MINDY4: variants seen among roughly 807,000 people sequenced by gnomAD.
The protein encoded by MINDY4 is probable ubiquitin carboxyl-terminal hydrolase MINDY-4.
Under a neutral mutation model 87.0 loss-of-function variants are expected in MINDY4, and 68 were observed. The ratio of observed to expected loss-of-function variants is 0.78; its 90% CI spans 0.64 to 0.96. MINDY4 has a LOEUF of 0.96. Among genes scored for constraint, MINDY4 ranks in the 40% least tolerant of loss-of-function variants. The pLI is 0.00. For missense variants in MINDY4, 919 were observed against 928.2 expected (o/e 0.99, Z 0.13); for synonymous variants, 379 against 363.2 (o/e 1.04, Z -0.50).
At chr7:30,775,333 A>C (rs1237601858) in intron 1 of MINDY4, among the ~76,000 whole-genome samples, 1 of 152,198 alleles carries the variant, frequency 6.6e-6, no homozygotes, top group Non-Finnish European at 1.5e-5. Flanking sequence ...AATGGCTCAC[A>C]GAACTCGGAG....
chr7:30,777,434 C>T (rs1430420854), intron 1 of MINDY4, among the ~76,000 whole-genome samples: 1 of 152,160 alleles, frequency 6.6e-6, no homozygotes, highest in Non-Finnish European at 1.5e-5. Context: ...CCTAATCCAC[C>T]TTTTTTCTGA....
At chr7:30,834,116 C>CAGGTGAGAAGAAT (rs1788789294) in intron 6 of MINDY4, among the ~76,000 whole-genome samples, 1 of 152,224 alleles carries the variant, frequency 6.6e-6, no homozygotes, top group Non-Finnish European at 1.5e-5. Flanking sequence ...TAGGTGGTGC[C>CAGGTGAGAAGAAT]CCCGTAGGGA....
At chr7:30,793,008 C>T (rs776405326) in intron 5 of MINDY4, among the ~76,000 whole-genome samples, 8 of 148,248 alleles carry the variant, frequency 5.4e-5, no homozygotes, top group Non-Finnish European at 8.9e-5. Context: ...GTTACATATT[C>T]GTATAACTTA....
At chr7:30,782,348 GTGT>G in intron 3 of MINDY4, 136 bp downstream of exon 3, 1 of 466,964 alleles carries the variant, frequency 2.1e-6, no homozygotes, top group Admixed American at 3.6e-5. Context: ...ATGTTTGTGT[GTGT>G]GTGTGTGTGT....
At chr7:30,795,504 C>G (rs578046455) in intron 5 of MINDY4, among the ~76,000 whole-genome samples, 13 of 152,282 alleles carry the variant, frequency 8.5e-5, no homozygotes, top group Middle Eastern at 6.8e-3. Context: ...TTCTGAGGCC[C>G]AGAGAGGGGC....
chr7:30,778,411 G>T (rs1005469117), intron 1 of MINDY4, 21 bp from the exon 2 acceptor site: 1 of 1,614,124 alleles, frequency 6.2e-7, no homozygotes, highest in South Asian at 1.1e-5. Context: ...GGTAAACAGC[G>T]ATTCAGCTTT....
intron 9 of MINDY4, among the ~76,000 whole-genome samples, chr7:30,849,661 A>G (rs183435866): frequency 4.1e-4 from 63 of 152,282 alleles, no homozygotes; most frequent in East Asian, 3.1e-3. Context: ...AGAGTTCCAC[A>G]GGGTTCCACC....
chr7:30,772,591 C>G (rs1036385444), intron 1 of MINDY4, among the ~76,000 whole-genome samples: 1 of 152,174 alleles, frequency 6.6e-6, no homozygotes, highest in Non-Finnish European at 1.5e-5. Context: ...TATACCTCCT[C>G]CCACCCTCAC....
intron 5 of MINDY4, among the ~76,000 whole-genome samples, chr7:30,827,926 G>A (rs950844844): frequency 5.3e-5 from 8 of 152,174 alleles, no homozygotes; most frequent in African/African-American, 9.7e-5. Context: ...CATAGTAAAT[G>A]GGTTTTCAGA....
intron 12 of MINDY4, 92 bp downstream of exon 12, chr7:30,853,551 T>C: frequency 8.7e-7 from 1 of 1,153,440 alleles, no homozygotes; most frequent in South Asian, 1.3e-5. Context: ...GTTGTTCTCC[T>C]GTCGTCCCAC....
chr7:30,875,522 A>C lies in MINDY4; in HGVS notation c.1837A>C (p.Lys613Gln). The C allele has an allele frequency of 6.2e-7, 1 of 1,614,230 alleles. No individual in the cohort carries two copies. The highest frequency in any genetic ancestry group is 8.5e-7 in the Non-Finnish European group (1 of 1,180,054). Residue 613 changes from lysine to glutamine, a missense_variant, in exon 15 of 18, where the codon AAA becomes CAA. Physicochemically the swap from Lys to Gln is moderately conservative, Grantham distance 53 (BLOSUM62 1). Coordinates refer to ENST00000265299, the MANE Select transcript of MINDY4 (RefSeq NM_032222.3). ...QELVNLLLTG[K>Q]AVSNVFNDVV... Reference sequence around the variant, plus strand: ...ACTTGTCAATCTGCTCCTGACTGGGAAAGCTGTGTCCAACGTTTTCAACGA... The same window carrying C: ...ACTTGTCAATCTGCTCCTGACTGGGCAAGCTGTGTCCAACGTTTTCAACGA...
chr7:30,781,942 T>C (rs2128165969), intron 2 of MINDY4, 35 bp from the exon 3 acceptor site: 1 of 1,468,524 alleles, frequency 6.8e-7, no homozygotes, highest in East Asian at 2.3e-5. Flanking sequence ...AAGCTGTATA[T>C]AAATTAATGA....
intron 9 of MINDY4, among the ~76,000 whole-genome samples, 159 bp downstream of exon 9, chr7:30,841,007 C>G (rs1456770122): frequency 6.6e-6 from 1 of 152,168 alleles, no homozygotes; most frequent in African/African-American, 2.4e-5. Flanking sequence ...AAGGCCTGCG[C>G]AGACCAGTGT....
rs374974001 is a variant in MINDY4 at position 30,778,456 on chromosome 7, A to G, written c.88A>G (p.Met30Val). Residue 30 changes from methionine (M) to valine (V), a missense_variant, in exon 2 of 18, where the codon ATG becomes GTG. Met to Val is a conservative substitution (Grantham distance 21). Coordinates refer to ENST00000265299, the MANE Select transcript of MINDY4 (RefSeq NM_032222.3). ...RKGLKKTCVTMDQERPRSDLS... is the reference protein window; with the variant it reads ...RKGLKKTCVTVDQERPRSDLS... ...GGGCTTAAAGAAGACATGTGTGACC[A>G]TGGACCAGGAACGCCCACGCTCTGA... 12 of 1,614,106 alleles carry G rather than the reference A, an allele frequency of 7.4e-6. No individual in the cohort carries two copies. Among genetic ancestry groups the G allele is most frequent in the Non-Finnish European group, 9.3e-6 (11 of 1,180,028 alleles).
intron 9 of MINDY4, among the ~76,000 whole-genome samples, chr7:30,845,200 C>T (rs935481220): frequency 1.3e-5 from 2 of 152,122 alleles, no homozygotes; most frequent in African/African-American, 2.4e-5. Flanking sequence ...CAAGGGGTGG[C>T]TCTGTTCATG....
intron 17 of MINDY4, among the ~76,000 whole-genome samples, chr7:30,888,824 T>A (rs1790710155): frequency 6.6e-6 from 1 of 152,208 alleles, no homozygotes; most frequent in African/African-American, 2.4e-5. Flanking sequence ...GGGTTGGTTA[T>A]GTCTGTAGAA....
intron 9 of MINDY4, among the ~76,000 whole-genome samples, chr7:30,849,999 A>T (rs1004199615): frequency 2.6e-5 from 4 of 152,222 alleles, no homozygotes; most frequent in Non-Finnish European, 5.9e-5. Flanking sequence ...CCTGGCAGTG[A>T]ATAGCACCTG....
At position 30,854,289 on chromosome 7, in the gene MINDY4, G is replaced by A. The variant is rs184136125; in HGVS notation, c.1677+830G>A. 8.0e-4 allele frequency among the ~76,000 whole-genome samples: 122 copies of A among 152,352 alleles called. 2 individuals carry two copies. Among genetic ancestry groups the A allele is most frequent in the African/African-American group, 2.6e-3 (109 of 41,582 alleles). On this transcript the variant is annotated intron_variant, in intron 12 of 17. Transcript: ENST00000265299. The stretch of plus-strand genomic sequence containing the variant: ...TCAGAAGAACAGTGCCTGCCTCAGA[G>A]CATCGCGCAGAGAGCCTAGGGCAGC...
chr7:30,876,658 A>G (rs1227995820), intron 15 of MINDY4, among the ~76,000 whole-genome samples: 1 of 152,008 alleles, frequency 6.6e-6, no homozygotes, highest in Non-Finnish European at 1.5e-5. Context: ...GCCATGGAAC[A>G]TTTTTCTGAG....
Sources: allele counts gnomAD v4.1 joint callset (sites outside exome capture counted in the v4.1 genomes callset), GRCh38; gene constraint gnomAD v4.1.1; transcripts MANE v1.5; gene names NCBI Gene and HGNC (gene_info 2026-07-23, HGNC 2026-07-21).